Variants in COL24A1 observed in about 807,000 individuals in gnomAD.
The protein encoded by COL24A1 is collagen alpha-1(XXIV) chain.
A neutral mutation model predicts 253.9 loss-of-function variants in COL24A1; 224 were observed. The observed-to-expected ratio is 0.88, with a 90% CI of 0.79 to 0.99. The LOEUF (loss-of-function observed/expected upper bound fraction) is 0.99, where lower values mean the gene tolerates loss of function less well. Among genes scored for constraint, COL24A1 ranks in the 50% least tolerant of loss-of-function variants. The probability of loss-of-function intolerance (pLI) is 0.00; values close to 1 mark genes in which losing one functional copy is unlikely to be tolerated. For synonymous variants in COL24A1, 685 were observed against 673.7 expected, an observed-to-expected ratio of 1.02 and a Z score of -0.26; for missense variants, 2,131 against 2,068.5, an observed-to-expected ratio of 1.03 and a Z score of -0.59.
intron 53 of COL24A1, among the ~76,000 whole-genome samples, chr1:85,768,038 AC>A (rs1667554487): frequency 6.6e-6 from 1 of 152,202 alleles, no homozygotes; most frequent in African/African-American, 2.4e-5. Context: ...AAAGAGAATG[AC>A]CGGAAATGAT....
intron 25 of COL24A1, among the ~76,000 whole-genome samples, 171 bp from the exon 26 acceptor site, chr1:85,910,174 T>G (rs1685229681): frequency 6.6e-6 from 1 of 151,962 alleles, no homozygotes; most frequent in Admixed American, 6.6e-5. Flanking sequence ...CTTAAAATTA[T>G]TAGACTTTTA....
At chr1:86,028,910 T>C (rs1010814887) in intron 14 of COL24A1, among the ~76,000 whole-genome samples, 1 of 152,178 alleles carries the variant, frequency 6.6e-6, no homozygotes, top group Non-Finnish European at 1.5e-5. Context: ...AGTATACAAA[T>C]AGTATGTCAT....
At chr1:86,010,263 C>A (rs1696369977) in intron 19 of COL24A1, among the ~76,000 whole-genome samples, 1 of 151,934 alleles carries the variant, frequency 6.6e-6, no homozygotes, top group African/African-American at 2.4e-5. Flanking sequence ...ACACTACAAA[C>A]AAAGTCAAAA....
intron 1 of COL24A1, chr1:86,156,084 CA>C (rs1459841025): frequency 8.0e-6 from 3 of 375,812 alleles, no homozygotes; most frequent in African/African-American, 6.3e-5. Flanking sequence ...GGACTCGCGC[CA>C]GCGAGCTTTT....
intron 1 of COL24A1, among the ~76,000 whole-genome samples, chr1:86,150,155 C>G (rs1652554810): frequency 6.6e-6 from 1 of 152,150 alleles, no homozygotes; most frequent in South Asian, 2.1e-4. Flanking sequence ...CTTAAGTACA[C>G]CCAAAGCCTA....
At chr1:85,904,306 C>T (rs1684600633) in intron 28 of COL24A1, among the ~76,000 whole-genome samples, 1 of 152,098 alleles carries the variant, frequency 6.6e-6, no homozygotes, top group South Asian at 2.1e-4. Flanking sequence ...ATGAGGTTAA[C>T]TTCGCTCTGT....
chr1:86,004,963 T>C (rs1243344998), intron 19 of COL24A1, among the ~76,000 whole-genome samples: 3 of 152,204 alleles, frequency 2.0e-5, no homozygotes, highest in Non-Finnish European at 2.9e-5. Context: ...GGTGATACAC[T>C]GGGCACCTTC....
chr1:85,916,198 T>C (rs186572003), intron 24 of COL24A1, among the ~76,000 whole-genome samples: 6 of 152,316 alleles, frequency 3.9e-5, no homozygotes, highest in African/African-American at 1.4e-4. Context: ...GTAACTGTTG[T>C]ACTGTTGAGA....
intron 43 of COL24A1, among the ~76,000 whole-genome samples, chr1:85,830,762 T>C (rs1257475394): frequency 6.6e-6 from 1 of 152,156 alleles, no homozygotes; most frequent in South Asian, 2.1e-4. Flanking sequence ...AGTGAGGCAA[T>C]GCCTTGCCCT....
At chr1:85,961,020 A>G (rs1691002965) in intron 24 of COL24A1, 3 of 433,298 alleles carry the variant, frequency 6.9e-6, no homozygotes, top group African/African-American at 6.2e-5. Context: ...GAGGTCACAA[A>G]TATACTTTAT....
intron 19 of COL24A1, among the ~76,000 whole-genome samples, chr1:86,013,915 T>C (rs948117932): frequency 1.3e-5 from 2 of 152,142 alleles, no homozygotes; most frequent in Admixed American, 6.6e-5. Flanking sequence ...ATTTTATTAG[T>C]CCGCAGTCAC....
rs534979827 is a variant in COL24A1, at chr1:85,802,853, G to GT, written c.3951+13934dup. ...CCAAACAGCATGTATCTTTTTGTCT[G>GT]TTTTTTTCCCCACTTTGAGATTCAT... On this transcript the variant is annotated intron_variant, in intron 47 of 59. Coordinates refer to ENST00000370571, the MANE Select transcript of COL24A1 (RefSeq NM_152890.7). Among the ~76,000 whole-genome samples, 15 of 152,066 alleles carry GT rather than the reference G, an allele frequency of 9.9e-5. No individual in the cohort carries two copies. The East Asian group carries it at 1.5e-3, about 16-fold the overall frequency.
intron 24 of COL24A1, among the ~76,000 whole-genome samples, chr1:85,914,110 A>G (rs1685629090): frequency 6.6e-6 from 1 of 152,188 alleles, no homozygotes; most frequent in African/African-American, 2.4e-5. Flanking sequence ...TGAATTTTGC[A>G]GAGGATAAAA....
chr1:85,789,060 A>T (rs965188065), intron 47 of COL24A1, among the ~76,000 whole-genome samples: 1 of 152,118 alleles, frequency 6.6e-6, no homozygotes, highest in Non-Finnish European at 1.5e-5. Context: ...TTTTTGCTTC[A>T]TATGAATTTT....
chr1:85,988,532 T>C (rs184123538), intron 19 of COL24A1, among the ~76,000 whole-genome samples: 1 of 152,164 alleles, frequency 6.6e-6, no homozygotes, highest in East Asian at 1.9e-4. Context: ...AAGCTAGTAA[T>C]TGTGGTTTCA....
At chr1:85,780,359 C>T (rs17128293) in intron 52 of COL24A1, among the ~76,000 whole-genome samples, 2,396 of 152,142 alleles carry the variant, frequency 0.016, 42 homozygotes, top group East Asian at 0.051. Flanking sequence ...TCTTTCCTCT[C>T]TAAGTCTCAA....
chr1:86,153,249 A>G lies in COL24A1; in HGVS notation c.56+3092T>C, dbSNP rs1220952161. Among the ~76,000 whole-genome samples the G allele has an allele frequency of 6.0e-5, 7 of 116,974 alleles. No individual in the cohort carries two copies. In the Admixed American group the frequency reaches 8.3e-4, roughly 14 times the overall value. 76.7% of individuals were successfully genotyped at this position (116,974 alleles called of 152,430 possible). A position where few individuals can be genotyped will look rare whatever the true frequency, so the allele number is the denominator to read the frequency against. ...CAAGACTGCTAGGTGCCCCTCATGT[A>G]TATATCCTCCTCTCATTTCGTTATA... On this transcript the variant is annotated intron_variant, in intron 1 of 59. Coordinates refer to ENST00000370571, the MANE Select transcript of COL24A1 (RefSeq NM_152890.7).
At position 86,136,862 on chromosome 1, in the gene COL24A1, A is replaced by C. The variant is rs750722933; in HGVS notation, c.121+9257T>G. Among the ~76,000 whole-genome samples, 100 of 152,260 alleles carry C rather than the reference A, an allele frequency of 6.6e-4. 1 individual carries two copies. Among genetic ancestry groups the C allele is most frequent in the Non-Finnish European group, 5.3e-4 (36 of 68,014 alleles). The stretch of plus-strand genomic sequence containing the variant: ...GTGAAATCATCAAATTGTCATCCTA[A>C]TTTTAAGCTTTCTTACCTGAGTATG... On this transcript the variant is annotated intron_variant, in intron 2 of 59. Coordinates refer to ENST00000370571, the MANE Select transcript of COL24A1 (RefSeq NM_152890.7).
At chr1:85,898,685 T>C (rs1005326524) in intron 28 of COL24A1, among the ~76,000 whole-genome samples, 2 of 152,206 alleles carry the variant, frequency 1.3e-5, no homozygotes, top group Non-Finnish European at 2.9e-5. Context: ...TAAGCCAGCA[T>C]TGTTTTAGGT....
Sources: allele counts gnomAD v4.1 joint callset (sites outside exome capture counted in the v4.1 genomes callset), GRCh38; gene constraint gnomAD v4.1.1; transcripts MANE v1.5; gene names NCBI Gene and HGNC (gene_info 2026-07-23, HGNC 2026-07-21).